COBL: variants seen among roughly 807,000 people sequenced by gnomAD.
The protein encoded by COBL is cordon-bleu WH2 repeat protein, also known as protein cordon-bleu.
A neutral mutation model predicts 98.8 loss-of-function variants in COBL; 51 were observed. The observed-to-expected ratio is 0.52, with a 90% confidence interval of 0.41 to 0.65. The LOEUF (loss-of-function observed/expected upper bound fraction) is 0.65. Among genes scored for constraint, COBL ranks in the 30% least tolerant of loss-of-function variants. The pLI, the probability that COBL is intolerant of heterozygous loss-of-function variation, is 0.00. For synonymous variants in COBL, 634 were observed against 651.7 expected (o/e 0.97, Z 0.41); for missense variants, 1,617 against 1,617.5 (o/e 1.00, Z 0.01).
intron 7 of COBL, 30 bp downstream of exon 7, chr7:51,085,136 C>A (rs747162881): frequency 1.2e-6 from 2 of 1,613,240 alleles, no homozygotes; most frequent in South Asian, 1.1e-5. Flanking sequence ...AGCATCCCCG[C>A]ATGCAGACGG....
chr7:51,109,969 CT>C (rs1031619134), intron 6 of COBL, among the ~76,000 whole-genome samples: 2 of 152,114 alleles, frequency 1.3e-5, no homozygotes, highest in African/African-American at 4.8e-5. Context: ...TTGGCCTCTT[CT>C]TTTTTCTTTA....
chr7:51,096,677 A>T (rs1480255907), intron 6 of COBL, among the ~76,000 whole-genome samples: 1 of 152,098 alleles, frequency 6.6e-6, no homozygotes, highest in East Asian at 1.9e-4. Flanking sequence ...AAGTGATGCT[A>T]CAAAAACAAA....
chr7:51,109,177 G>C (rs1444205113), intron 6 of COBL, among the ~76,000 whole-genome samples: 4 of 152,124 alleles, frequency 2.6e-5, no homozygotes, highest in Non-Finnish European at 5.9e-5. Context: ...CTCTCGGGCT[G>C]CTCCCCATCC....
Position 51,043,688 on chromosome 7 carries a change from G to A in COBL, c.1101C>T (p.Ser367=). ...KEENRKSTMV[S]LPLGSGSHCS... is the part of the protein sequence containing the mutation. ...AGTGGCTGCCAGACCCCAGGGGCAG[G>A]CTTACTGGACAAGACACGGCAAGGA... The change falls in exon 8 of 13, where the codon AGC becomes AGT. Residue 367 remains serine (S), a synonymous_variant. Coordinates refer to ENST00000265136, the MANE Select transcript of COBL (RefSeq NM_015198.5). 1.2e-6 allele frequency: 2 copies of A among 1,612,462 alleles called. No individual in the cohort carries two copies. The highest frequency in any genetic ancestry group is 1.1e-5 in the South Asian group (1 of 90,974).
At chr7:51,097,914 C>A (rs1795426951) in intron 6 of COBL, among the ~76,000 whole-genome samples, 7 of 151,190 alleles carry the variant, frequency 4.6e-5, no homozygotes, top group Admixed American at 4.6e-4. Flanking sequence ...GTCCCAGCTA[C>A]TCAGGAGGCT....
chr7:51,252,359 A>C (rs1276823930), intron 1 of COBL, among the ~76,000 whole-genome samples: 1 of 152,216 alleles, frequency 6.6e-6, no homozygotes, highest in Non-Finnish European at 1.5e-5. Flanking sequence ...CATTAGCATC[A>C]GCAGTCACCC....
At chr7:51,022,866 A>C (rs973300439) in intron 12 of COBL, 4 of 152,266 alleles carry the variant, frequency 2.6e-5, no homozygotes, top group African/African-American at 9.6e-5. Flanking sequence ...GAGATAGACA[A>C]TCGTCTCCAA....
At position 51,029,591 on chromosome 7, in the gene COBL, T is replaced by G; in HGVS notation, c.1505A>C (p.Glu502Ala). 1 of 1,584,642 alleles carries G rather than the reference T, an allele frequency of 6.3e-7. No individual in the cohort carries two copies. Among genetic ancestry groups the G allele is most frequent in the South Asian group, 1.1e-5 (1 of 88,378 alleles). Reference protein sequence around the residue: ...TLAELDEDLEEMEDSYETDTS... With the variant: ...TLAELDEDLEAMEDSYETDTS... ...GTCTGTTTCATAGCTGTCTTCCATTTCTGCAAAGAGGGACAAACACAAATC... is the reference window on the plus strand; with the variant it reads ...GTCTGTTTCATAGCTGTCTTCCATTGCTGCAAAGAGGGACAAACACAAATC... Residue 502 changes from glutamate (E) to alanine (A), a missense_variant and splice_region_variant, in exon 10 of 13, where the codon GAA becomes GCA. Physicochemically the swap from Glu to Ala is moderately radical, Grantham distance 107. Around this residue, in one of 3 missense-constraint regions of COBL, gnomAD observed 1,304 missense variants for 1,282.0 expected, o/e 1.02. Transcript: ENST00000265136.
intron 5 of COBL, among the ~76,000 whole-genome samples, chr7:51,170,741 A>T (rs1449805714): frequency 2.0e-5 from 3 of 152,008 alleles, no homozygotes; most frequent in African/African-American, 7.2e-5. Context: ...GATCTCACAG[A>T]AGTAGAGAGA....
At chr7:51,158,458 G>A (rs1786421431) in intron 5 of COBL, among the ~76,000 whole-genome samples, 1 of 142,704 alleles carries the variant, frequency 7.0e-6, no homozygotes, top group African/African-American at 2.5e-5. Context: ...AGGACTATAG[G>A]TCCGCCTGGG....
rs1358734362 is a variant in COBL at position 51,097,236 on chromosome 7, A to G, written c.958-11932T>C. ...CACAGTGAAAGACAAAAACCATACA[A>G]AACTCAACACCCTTTTATGATTTAA... On this transcript the variant is annotated intron_variant, in intron 6 of 12. Transcript: ENST00000265136. Among the ~76,000 whole-genome samples the G allele has an allele frequency of 2.6e-5, 4 of 152,328 alleles. No individual in the cohort carries two copies. In the East Asian group the frequency reaches 7.7e-4, roughly 29 times the overall value.
chr7:51,293,101 G>A (rs1801069489), intron 1 of COBL, among the ~76,000 whole-genome samples: 2 of 152,232 alleles, frequency 1.3e-5, no homozygotes, highest in African/African-American at 4.8e-5. Context: ...AGAAGAGGAA[G>A]AAACAATTAC....
intron 1 of COBL, among the ~76,000 whole-genome samples, chr7:51,286,827 T>C (rs1584408386): frequency 6.6e-6 from 1 of 152,288 alleles, no homozygotes; most frequent in Non-Finnish European, 1.5e-5. Context: ...ACTGCAACAC[T>C]ATTCACAATA....
chr7:51,121,456 C>T (rs1248514416), intron 6 of COBL, among the ~76,000 whole-genome samples: 2 of 152,186 alleles, frequency 1.3e-5, no homozygotes, highest in East Asian at 1.9e-4. Flanking sequence ...TCCCATTCTG[C>T]GGGTTGCCTT....
intron 6 of COBL, among the ~76,000 whole-genome samples, chr7:51,086,131 T>C (rs1049736374): frequency 6.6e-6 from 1 of 152,168 alleles, no homozygotes; most frequent in Non-Finnish European, 1.5e-5. Context: ...AAAGTTTTTA[T>C]TCGTTCACTC....
chr7:51,303,790 G>C (rs144231974), intron 1 of COBL, among the ~76,000 whole-genome samples: 2 of 152,226 alleles, frequency 1.3e-5, no homozygotes, highest in Admixed American at 1.3e-4. Flanking sequence ...ACTTTTCCCA[G>C]TGGGTCTACA....
At chr7:51,297,071 G>C (rs1366160091) in intron 1 of COBL, among the ~76,000 whole-genome samples, 4 of 152,224 alleles carry the variant, frequency 2.6e-5, no homozygotes, top group Non-Finnish European at 4.4e-5. Flanking sequence ...TGCTGGCCCA[G>C]GCAGCATCCC....
chr7:51,175,379 T>A (rs1359390696), intron 5 of COBL, among the ~76,000 whole-genome samples: 1 of 152,236 alleles, frequency 6.6e-6, no homozygotes, highest in Non-Finnish European at 1.5e-5. Flanking sequence ...AGAATTTTTT[T>A]AGAGACCGCT....
chr7:51,220,034 C>T, intron 1 of COBL, 90 bp from the exon 2 acceptor site: 1 of 1,248,584 alleles, frequency 8.0e-7, no homozygotes, highest in South Asian at 1.5e-5. Context: ...TCAGGTCTGT[C>T]TTCAGGAGCA....
Sources: allele counts gnomAD v4.1 joint callset (sites outside exome capture counted in the v4.1 genomes callset), GRCh38; gene constraint gnomAD v4.1.1; regional missense constraint gnomAD v4.1.1; transcripts MANE v1.5; gene names NCBI Gene and HGNC (gene_info 2026-07-23, HGNC 2026-07-21).